NIPAL2: variants seen among roughly 807,000 people sequenced by gnomAD.
NIPAL2 encodes the protein NIPA-like protein 2.
Under a neutral mutation model 48.9 loss-of-function variants are expected in NIPAL2, and 43 were observed. That is an observed-to-expected ratio of 0.88 (90% CI 0.69 to 1.13). The LOEUF is 1.13. Ranked by LOEUF, NIPAL2 falls within the 50% of genes most tolerant of loss-of-function variation. The pLI, the probability that NIPAL2 is intolerant of heterozygous loss-of-function variation, is 0.00. For missense variants in NIPAL2, 446 were observed against 461.4 expected (o/e 0.97, Z 0.31); for synonymous variants, 167 against 174.6 (o/e 0.96, Z 0.34).
intron 1 of NIPAL2, among the ~76,000 whole-genome samples, chr8:98,256,303 A>C (rs560377353): frequency 6.6e-6 from 1 of 152,198 alleles, no homozygotes; most frequent in Non-Finnish European, 1.5e-5. Context: ...GATTACAGGC[A>C]TGAGCCACCA....
chr8:98,215,484 C>T (rs1296211970), intron 5 of NIPAL2, among the ~76,000 whole-genome samples: 1 of 152,180 alleles, frequency 6.6e-6, no homozygotes, highest in Non-Finnish European at 1.5e-5. Flanking sequence ...GAAAAAGTAA[C>T]AGCACTTACT....
intron 4 of NIPAL2, among the ~76,000 whole-genome samples, chr8:98,227,025 A>G (rs1025051424): frequency 1.3e-5 from 2 of 152,022 alleles, no homozygotes; most frequent in Non-Finnish European, 2.9e-5. Context: ...CAGGCAGAGG[A>G]GTCTTTCCTC....
At chr8:98,242,404 C>T (rs1316169591) in intron 3 of NIPAL2, among the ~76,000 whole-genome samples, 1 of 151,194 alleles carries the variant, frequency 6.6e-6, no homozygotes, top group Non-Finnish European at 1.5e-5. Flanking sequence ...CCAGGCTGGT[C>T]TCAAACGTCT....
intron 4 of NIPAL2, among the ~76,000 whole-genome samples, chr8:98,229,533 T>G (rs962814412): frequency 2.0e-5 from 3 of 152,128 alleles, no homozygotes; most frequent in Admixed American, 1.3e-4. Flanking sequence ...CCACCATGAC[T>G]GGCTAATTTT....
intron 8 of NIPAL2, 147 bp downstream of exon 8, chr8:98,202,961 C>T: frequency 3.1e-6 from 2 of 652,218 alleles, no homozygotes; most frequent in Non-Finnish European, 2.7e-6. Flanking sequence ...GGAACCTCTC[C>T]TGGAAGATTG....
intron 1 of NIPAL2, among the ~76,000 whole-genome samples, chr8:98,271,929 T>G (rs751300331): frequency 1.6e-4 from 24 of 152,110 alleles, no homozygotes; most frequent in Non-Finnish European, 2.6e-4. Context: ...TATCAAAAGC[T>G]TATTCTACGT....
chr8:98,224,173 T>C (rs939644067), intron 4 of NIPAL2, among the ~76,000 whole-genome samples: 1 of 152,188 alleles, frequency 6.6e-6, no homozygotes, highest in Admixed American at 6.5e-5. Flanking sequence ...AACACATGTA[T>C]ATGGCAAAAT....
At chr8:98,248,606 C>G (rs1242596586) in intron 3 of NIPAL2, among the ~76,000 whole-genome samples, 1 of 152,182 alleles carries the variant, frequency 6.6e-6, no homozygotes, top group African/African-American at 2.4e-5. Flanking sequence ...ATATTTGAAC[C>G]CTGGCGGTGT....
intron 3 of NIPAL2, among the ~76,000 whole-genome samples, chr8:98,247,312 T>TC (rs1290316438): frequency 4.6e-5 from 7 of 152,182 alleles, no homozygotes. Context: ...TGCTGTGCTC[T>TC]CCCAGGAAGG....
At chr8:98,237,183 G>C (rs987145176) in intron 3 of NIPAL2, among the ~76,000 whole-genome samples, 1 of 151,880 alleles carries the variant, frequency 6.6e-6, no homozygotes, top group South Asian at 2.1e-4. Flanking sequence ...GAGTAGCTGG[G>C]ACCACAGGCT....
chr8:98,217,322 G>A, intron 5 of NIPAL2: 1 of 953,574 alleles, frequency 1.0e-6, no homozygotes, highest in Non-Finnish European at 1.2e-6. Flanking sequence ...AGGGGTTGAT[G>A]TGAGCCAGTG....
chr8:98,250,406 C>A (rs1403610258), intron 3 of NIPAL2, among the ~76,000 whole-genome samples: 1 of 152,152 alleles, frequency 6.6e-6, no homozygotes, highest in Non-Finnish European at 1.5e-5. Flanking sequence ...CTCAGGGTAG[C>A]AGGGGTTTGT....
chr8:98,255,016 A>G (rs1023843478), intron 1 of NIPAL2, among the ~76,000 whole-genome samples: 1 of 152,082 alleles, frequency 6.6e-6, no homozygotes, highest in South Asian at 2.1e-4. Context: ...TGTTTGCTCA[A>G]ATTCTCTGAG....
chr8:98,228,687 C>A (rs1194144240), intron 4 of NIPAL2, among the ~76,000 whole-genome samples: 1 of 152,096 alleles, frequency 6.6e-6, no homozygotes, highest in Non-Finnish European at 1.5e-5. Context: ...AGGATGCAGG[C>A]ATGCCATGAG....
Position 98,222,596 on chromosome 8 carries a change from C to T in NIPAL2, c.441G>A (p.Thr147=), listed in dbSNP as rs751331082. 5.9e-5 allele frequency: 95 copies of T among 1,608,084 alleles called. No homozygotes were observed. The highest frequency in any genetic ancestry group is 7.6e-5 in the Non-Finnish European group (90 of 1,178,746). The change falls in exon 5 of 11, where the codon ACG becomes ACA. Residue 147 remains threonine, a synonymous_variant. Coordinates refer to ENST00000430223, the MANE Select transcript of NIPAL2 (RefSeq NM_001321635.2). Reference sequence around the variant, plus strand: ...AATATGTTCCTGCAAATGCCAGTGTCGTACCTTTAAATAAAATTGAAAAGA... The same window carrying T: ...AATATGTTCCTGCAAATGCCAGTGTTGTACCTTTAAATAAAATTGAAAAGA... ...DNLRASDLLG[T]TLAFAGTYLL... is the part of the protein sequence containing the mutation.
chr8:98,219,663 C>A (rs1003011246), intron 5 of NIPAL2, among the ~76,000 whole-genome samples: 1 of 152,108 alleles, frequency 6.6e-6, no homozygotes, highest in Non-Finnish European at 1.5e-5. Flanking sequence ...TTCTACGTTC[C>A]CATTCCTGTT....
intron 1 of NIPAL2, among the ~76,000 whole-genome samples, chr8:98,292,255 A>G (rs1340373531): frequency 6.6e-6 from 1 of 152,130 alleles, no homozygotes; most frequent in African/African-American, 2.4e-5. Flanking sequence ...GAAAAATTAG[A>G]CTCAATTTTA....
Position 98,192,334 on chromosome 8 carries a change from C to T in NIPAL2, c.*644G>A, listed in dbSNP as rs1810335295. The T allele has an allele frequency of 6.6e-6, 1 of 152,324 alleles. No homozygotes were observed. Among genetic ancestry groups the T allele is most frequent in the Non-Finnish European group, 1.5e-5 (1 of 68,132 alleles). 9.4% of individuals were successfully genotyped at this position (152,324 alleles called of 1,614,324 possible). A position where few individuals can be genotyped will look rare whatever the true frequency, so the allele number is the denominator to read the frequency against. Reference sequence around the variant, plus strand: ...AGTCCTACTTCTTAAACTTCCTCTTCCTTACACGTAAAAAGCCCACCAGTC... The same window carrying T: ...AGTCCTACTTCTTAAACTTCCTCTTTCTTACACGTAAAAAGCCCACCAGTC... On this transcript the variant is annotated 3_prime_UTR_variant, in exon 11 of 11. Coordinates refer to ENST00000430223, the MANE Select transcript of NIPAL2 (RefSeq NM_001321635.2).
chr8:98,224,754 TC>T (rs1812069268), intron 4 of NIPAL2, among the ~76,000 whole-genome samples: 2 of 96,422 alleles, frequency 2.1e-5, no homozygotes, highest in African/African-American at 7.1e-5. Flanking sequence ...TTCTTTCTTT[TC>T]TTTTTTTTTT....
Sources: allele counts gnomAD v4.1 joint callset (sites outside exome capture counted in the v4.1 genomes callset), GRCh38; gene constraint gnomAD v4.1.1; transcripts MANE v1.5; gene names NCBI Gene and HGNC (gene_info 2026-07-23, HGNC 2026-07-21).